Variants in SHANK2 observed in about 807,000 individuals in gnomAD.
The protein encoded by SHANK2 is SH3 and multiple ankyrin repeat domains 2, also known as SH3 and multiple ankyrin repeat domains protein 2.
SHANK2 carries 43 observed loss-of-function variants against 133.7 expected under a neutral mutation model. The ratio of observed to expected loss-of-function variants is 0.32; its 90% CI spans 0.25 to 0.41. SHANK2 has a LOEUF of 0.41. Among genes scored for constraint, SHANK2 ranks in the 10% least tolerant of loss-of-function variants. SHANK2 has a pLI of 1.00. For synonymous variants in SHANK2, 1,017 were observed against 952.8 expected (o/e 1.07, Z -1.24); for missense variants, 1,994 against 2,235.8 (o/e 0.89, Z 2.18).
At chr11:70,904,493 G>A (rs1163379277) in intron 10 of SHANK2, among the ~76,000 whole-genome samples, 11 of 146,342 alleles carry the variant, frequency 7.5e-5, no homozygotes, top group South Asian at 4.5e-4. Context: ...GGAGGGACCC[G>A]GTGGGAGATC....
intron 17 of SHANK2, among the ~76,000 whole-genome samples, chr11:70,643,701 C>T (rs782424736): frequency 7.2e-5 from 11 of 151,962 alleles, no homozygotes; most frequent in African/African-American, 1.9e-4. Context: ...TTCTTTTATA[C>T]GTTGGCATTG....
At chr11:71,090,394 G>C (rs1433146064) in intron 8 of SHANK2, among the ~76,000 whole-genome samples, 1 of 74,266 alleles carries the variant, frequency 1.3e-5, no homozygotes, top group Non-Finnish European at 2.4e-5. Flanking sequence ...GTCCCCTGCT[G>C]CTTCTACATT....
In SHANK2 at chr11:70,882,433, T is replaced by C. The variant is rs1378636565; in HGVS notation, c.1174+14068A>G. 2.6e-5 allele frequency among the ~76,000 whole-genome samples: 4 copies of C among 152,118 alleles called. No homozygotes were observed. The highest frequency in any genetic ancestry group is 9.7e-5 in the African/African-American group (4 of 41,414). ...TACATATCTCAGAGTGATGGGGAAA[T>C]TGATTTTCCTTGATAAAATGGCCCA... is the stretch of plus-strand genomic sequence containing the variant. On this transcript the variant is annotated intron_variant, in intron 11 of 25. Coordinates refer to ENST00000601538, the MANE Select transcript of SHANK2 (RefSeq NM_012309.5). The surrounding 1 kb of genome is among the most constrained non-coding windows in gnomAD (Gnocchi z 4.2).
intron 14 of SHANK2, among the ~76,000 whole-genome samples, chr11:70,765,147 G>A (rs1947092636): frequency 6.6e-6 from 1 of 152,184 alleles, no homozygotes; most frequent in South Asian, 2.1e-4. Context: ...TCCATTTCCT[G>A]TTTCCTGGGG....
At chr11:71,090,537 CCT>C (rs1491218710) in intron 8 of SHANK2, among the ~76,000 whole-genome samples, 1 of 3,526 alleles carries the variant, frequency 2.8e-4, no homozygotes, top group East Asian at 4.2e-3. Flanking sequence ...AGAAACACAA[CCT>C]CTGTGTGTGT....
At position 70,557,735 on chromosome 11, in the gene SHANK2, C is replaced by T. The variant is rs782178715; in HGVS notation, c.2062-54804G>A. ...ACCTGGGCTTTCCTGTGCAAAGGCC[C>T]AAGTGGTTCCGGAGATCCCCAGTGA... is the stretch of plus-strand genomic sequence containing the variant. On this transcript the variant is annotated intron_variant, in intron 17 of 25. Coordinates refer to ENST00000601538, the MANE Select transcript of SHANK2 (RefSeq NM_012309.5). Among the ~76,000 whole-genome samples, 8 of 152,120 alleles carry T rather than the reference C, an allele frequency of 5.3e-5. No homozygotes were observed. The South Asian group carries it at 6.2e-4, about 12-fold the overall frequency.
intron 14 of SHANK2, among the ~76,000 whole-genome samples, chr11:70,756,450 C>A (rs1188792738): frequency 1.3e-5 from 2 of 152,170 alleles, no homozygotes; most frequent in Non-Finnish European, 2.9e-5. Flanking sequence ...GCAGGTGAAG[C>A]CCCCACGCTG....
intron 3 of SHANK2, among the ~76,000 whole-genome samples, chr11:71,127,718 T>C (rs1421062125): frequency 6.6e-6 from 1 of 152,386 alleles, no homozygotes; most frequent in African/African-American, 2.4e-5. Context: ...AATATAACTT[T>C]AATGTGCATT....
intron 2 of SHANK2, among the ~76,000 whole-genome samples, chr11:71,178,750 G>A (rs1333308590): frequency 1.3e-5 from 2 of 152,218 alleles, no homozygotes; most frequent in African/African-American, 4.8e-5. Flanking sequence ...TTGGGAGGCT[G>A]AGGCAGGTGG....
At chr11:70,651,409 C>T (rs371244546) in intron 17 of SHANK2, among the ~76,000 whole-genome samples, 6 of 152,260 alleles carry the variant, frequency 3.9e-5, no homozygotes, top group East Asian at 1.9e-4. Context: ...ACAAAGAGAA[C>T]GACCTCCCCA....
intron 21 of SHANK2, chr11:70,497,157 T>C (rs2058982731): frequency 4.9e-6 from 2 of 407,980 alleles, no homozygotes; most frequent in South Asian, 3.7e-5. Context: ...CACAGGGGTG[T>C]GGGTCCCTCC....
chr11:70,795,837 T>C (rs952284344), intron 14 of SHANK2, among the ~76,000 whole-genome samples: 1 of 152,254 alleles, frequency 6.6e-6, no homozygotes, highest in East Asian at 1.9e-4. Context: ...GCCAAGGATG[T>C]CGGAAAGGCA....
At position 70,590,149 on chromosome 11, in the gene SHANK2, G is replaced by A. The variant is rs141252202; in HGVS notation, c.2061+69679C>T. ...TGCACTCCAGCCTGGGCAACAGAGG[G>A]AGACTCTGTCTAAACAAACAAACAA... On this transcript the variant is annotated intron_variant, in intron 17 of 25. Coordinates refer to ENST00000601538, the MANE Select transcript of SHANK2 (RefSeq NM_012309.5). Among the ~76,000 whole-genome samples the A allele has an allele frequency of 4.2e-3, 634 of 152,252 alleles. 5 individuals are homozygous for A. The highest frequency in any genetic ancestry group is 0.015 in the African/African-American group (615 of 41,552).
intron 14 of SHANK2, among the ~76,000 whole-genome samples, chr11:70,733,201 T>C (rs1946326641): frequency 2.6e-5 from 4 of 152,090 alleles, no homozygotes; most frequent in Non-Finnish European, 5.9e-5. Flanking sequence ...AGCTGGGTTT[T>C]GCAGGATGAG....
chr11:70,742,205 G>A (rs1412263924), intron 14 of SHANK2, among the ~76,000 whole-genome samples: 4 of 152,132 alleles, frequency 2.6e-5, no homozygotes, highest in Non-Finnish European at 4.4e-5. Context: ...CAGACAGCTT[G>A]CAGTCCTCTA....
chr11:70,660,712 C>G (rs1475850579), intron 16 of SHANK2, among the ~76,000 whole-genome samples: 1 of 152,196 alleles, frequency 6.6e-6, no homozygotes, highest in Non-Finnish European at 1.5e-5. Context: ...CACAGACAGG[C>G]GTGGATGCTC....
chr11:70,867,289 A>C (rs1439449498), intron 11 of SHANK2, among the ~76,000 whole-genome samples: 2 of 152,226 alleles, frequency 1.3e-5, no homozygotes, highest in African/African-American at 4.8e-5. Flanking sequence ...CCGAGTCCTC[A>C]GTAAATCCTG....
At chr11:70,667,619 C>T (rs1944702490) in intron 15 of SHANK2, among the ~76,000 whole-genome samples, 1 of 152,194 alleles carries the variant, frequency 6.6e-6, no homozygotes, top group Admixed American at 6.5e-5. Flanking sequence ...CAGCGGGCAG[C>T]AGGTGCCAGT....
intron 14 of SHANK2, among the ~76,000 whole-genome samples, chr11:70,723,714 C>T (rs75664544): frequency 0.013 from 1,944 of 152,248 alleles, 20 homozygotes; most frequent in Non-Finnish European, 0.017. Flanking sequence ...ACTTATGAGC[C>T]ATGCCATATA....
Sources: gnomAD v4.1 joint callset for allele counts (sites outside exome capture counted in the v4.1 genomes callset) on GRCh38, gnomAD v4.1.1 for gene constraint, Gnocchi (gnomAD v3.1) non-coding constraint, MANE v1.5 for transcripts, NCBI Gene and HGNC (gene_info 2026-07-23, HGNC 2026-07-21) for gene names.